Variants in CDH12 observed in about 807,000 individuals in gnomAD.
The protein encoded by CDH12 is cadherin-12.
In CDH12, 41 loss-of-function variants were observed where a neutral mutation model predicts 74.1. The ratio of observed to expected loss-of-function variants is 0.55; its 90% confidence interval spans 0.43 to 0.72. The LOEUF (loss-of-function observed/expected upper bound fraction) is 0.72, where lower values mean the gene tolerates loss of function less well. Ranked by LOEUF, CDH12 falls within the 30% of genes least tolerant of loss-of-function variation. The pLI is 0.00. For synonymous variants in CDH12, 399 were observed against 355.0 expected, an observed-to-expected ratio of 1.12 and a Z score of -1.39; for missense variants, 945 against 977.2, an observed-to-expected ratio of 0.97 and a Z score of 0.44.
At chr5:22,389,748 C>T (rs1287902535) in intron 3 of CDH12, among the ~76,000 whole-genome samples, 12 of 150,582 alleles carry the variant, frequency 8.0e-5, no homozygotes, top group Admixed American at 3.3e-4. Flanking sequence ...CCCGGGTTCA[C>T]GCCATTCTCC....
intron 5 of CDH12, among the ~76,000 whole-genome samples, chr5:22,014,228 C>T (rs897684381): frequency 3.9e-5 from 6 of 151,994 alleles, no homozygotes; most frequent in Admixed American, 6.6e-5. Context: ...AAGACTCCTC[C>T]GTCTCAAAAA....
chr5:22,046,336 G>T (rs1182874093), intron 5 of CDH12, among the ~76,000 whole-genome samples: 1 of 151,858 alleles, frequency 6.6e-6, no homozygotes, highest in Non-Finnish European at 1.5e-5. Context: ...GTAGAAAGAG[G>T]CCTGAATTTT....
chr5:22,198,461 A>C (rs763182532), intron 4 of CDH12, among the ~76,000 whole-genome samples: 3 of 152,164 alleles, frequency 2.0e-5, no homozygotes, highest in Non-Finnish European at 4.4e-5. Context: ...ATTTTTATGT[A>C]GGAATCGTAA....
In CDH12 at chr5:22,358,042, A is replaced by G. The variant is rs76251158; in HGVS notation, c.-333+47215T>C. On this transcript the variant is annotated intron_variant, in intron 3 of 14. Coordinates refer to ENST00000382254, the MANE Select transcript of CDH12 (RefSeq NM_004061.5). ...TCCTCTCCTGCTAAAGTGCATTGAA[A>G]GTCCTAAACAACATTAAATAGTTTT... Among the ~76,000 whole-genome samples the G allele has an allele frequency of 1.3e-3, 191 of 152,300 alleles. 3 individuals carry two copies. The East Asian group carries it at 0.034, about 27-fold the overall frequency.
intron 5 of CDH12, among the ~76,000 whole-genome samples, chr5:22,007,621 G>T (rs1173952117): frequency 6.6e-6 from 1 of 152,030 alleles, no homozygotes; most frequent in Non-Finnish European, 1.5e-5. Flanking sequence ...ACACTTTCTG[G>T]TTTCATTTAA....
At chr5:21,899,357 G>T (rs922389388) in intron 6 of CDH12, among the ~76,000 whole-genome samples, 1 of 152,286 alleles carries the variant, frequency 6.6e-6, no homozygotes, top group Admixed American at 6.5e-5. Context: ...AGAGAACCTA[G>T]TATAAGGCCA....
intron 4 of CDH12, among the ~76,000 whole-genome samples, chr5:22,169,895 T>C (rs1375754836): frequency 3.3e-5 from 5 of 151,968 alleles, no homozygotes; most frequent in African/African-American, 9.7e-5. Context: ...CCATGTGTAC[T>C]GAAAATATAG....
chr5:21,767,367 A>G (rs1579663200), intron 11 of CDH12, among the ~76,000 whole-genome samples: 1 of 151,750 alleles, frequency 6.6e-6, no homozygotes, highest in African/African-American at 2.4e-5. Flanking sequence ...TCTATCAGAA[A>G]TTAATTCTCT....
intron 2 of CDH12, among the ~76,000 whole-genome samples, chr5:22,416,860 C>G (rs1743414756): frequency 6.6e-6 from 1 of 152,118 alleles, no homozygotes; most frequent in South Asian, 2.1e-4. Context: ...ACGGTTTTAA[C>G]TTTCTATCTT....
chr5:22,522,343 T>C (rs567851215), intron 1 of CDH12, among the ~76,000 whole-genome samples: 6 of 152,206 alleles, frequency 3.9e-5, no homozygotes, highest in Non-Finnish European at 7.3e-5. Flanking sequence ...ATCAAATATC[T>C]ATTTTTAAAT....
At chr5:22,526,223 G>A (rs7727953) in intron 1 of CDH12, among the ~76,000 whole-genome samples, 3,318 of 152,062 alleles carry the variant, frequency 0.022, 120 homozygotes, top group African/African-American at 0.077. Flanking sequence ...AAAAGCAAAC[G>A]TTACTTCAGG....
intron 1 of CDH12, among the ~76,000 whole-genome samples, chr5:22,624,313 G>A (rs546525852): frequency 2.0e-5 from 3 of 152,022 alleles, no homozygotes; most frequent in South Asian, 4.1e-4. Flanking sequence ...TGACAAATGG[G>A]ATCTAATTAA....
intron 2 of CDH12, among the ~76,000 whole-genome samples, chr5:22,449,634 G>A (rs1460403513): frequency 1.3e-5 from 2 of 151,998 alleles, no homozygotes; most frequent in African/African-American, 4.8e-5. Flanking sequence ...ATATTCAAAT[G>A]AGACAATCTG....
intron 4 of CDH12, among the ~76,000 whole-genome samples, chr5:22,081,941 A>G (rs537309287): frequency 6.6e-6 from 1 of 152,290 alleles, no homozygotes; most frequent in African/African-American, 2.4e-5. Context: ...TAAATTTAAC[A>G]TGCAAAGTGC....
At chr5:22,518,736 C>T (rs1460475521) in intron 1 of CDH12, among the ~76,000 whole-genome samples, 2 of 152,094 alleles carry the variant, frequency 1.3e-5, no homozygotes, top group East Asian at 1.9e-4. Flanking sequence ...GAATAGTCAA[C>T]GACAATGGCA....
At chr5:22,365,536 A>G (rs1740993803) in intron 3 of CDH12, among the ~76,000 whole-genome samples, 1 of 152,212 alleles carries the variant, frequency 6.6e-6, no homozygotes, top group Admixed American at 6.5e-5. Context: ...CACATGATAA[A>G]TAGGTACTAA....
At chr5:22,583,544 C>A (rs567367733) in intron 1 of CDH12, among the ~76,000 whole-genome samples, 1 of 151,912 alleles carries the variant, frequency 6.6e-6, no homozygotes, top group African/African-American at 2.4e-5. Flanking sequence ...GGAAGGAAAC[C>A]GTCTTAATCA....
chr5:22,595,733 T>C (rs1305282651), intron 1 of CDH12, among the ~76,000 whole-genome samples: 1 of 152,000 alleles, frequency 6.6e-6, no homozygotes, highest in African/African-American at 2.4e-5. Context: ...GTGAATCCCA[T>C]ACCCTACAAA....
chr5:22,706,640 G>A (rs1003801541), intron 1 of CDH12, among the ~76,000 whole-genome samples: 1 of 151,940 alleles, frequency 6.6e-6, no homozygotes, highest in African/African-American at 2.4e-5. Context: ...TCATAGTTTA[G>A]TTAGCTCTTA....
Sources: gnomAD v4.1 joint callset for allele counts (sites outside exome capture counted in the v4.1 genomes callset) on GRCh38, gnomAD v4.1.1 for gene constraint, MANE v1.5 for transcripts, NCBI Gene and HGNC (gene_info 2026-07-23, HGNC 2026-07-21) for gene names.